Variants in TBC1D14 observed in about 807,000 individuals in gnomAD.
TBC1D14 encodes the protein TBC1 domain family, member 14.
TBC1D14 carries 26 observed loss-of-function variants against 79.0 expected under a neutral mutation model. The observed-to-expected ratio is 0.33, with a 90% CI of 0.24 to 0.46. TBC1D14 has a LOEUF of 0.46. TBC1D14 is among the 20% of genes least tolerant of loss of function. The pLI is 1.00. For synonymous variants in TBC1D14, 394 were observed against 349.9 expected, an observed-to-expected ratio of 1.13 and a Z score of -1.40; for missense variants, 769 against 887.6, an observed-to-expected ratio of 0.87 and a Z score of 1.70.
intron 2 of TBC1D14, among the ~76,000 whole-genome samples, chr4:6,957,229 A>T (rs1002365362): frequency 5.1e-4 from 78 of 152,328 alleles, no homozygotes; most frequent in Non-Finnish European, 9.3e-4. Flanking sequence ...TGAGTCCCAG[A>T]TGGGTGACCT....
intron 2 of TBC1D14, among the ~76,000 whole-genome samples, chr4:6,965,902 A>G (rs1171185713): frequency 1.3e-5 from 2 of 152,206 alleles, no homozygotes; most frequent in Admixed American, 1.3e-4. Flanking sequence ...CATGTAATTA[A>G]TAAGGAATTT....
chr4:6,928,956 A>G (rs186825691), intron 2 of TBC1D14, among the ~76,000 whole-genome samples: 140 of 152,340 alleles, frequency 9.2e-4, no homozygotes, highest in Non-Finnish European at 1.6e-3. Flanking sequence ...TGCTTTGGCC[A>G]TCTTAGAATT....
chr4:6,978,133 C>CT (rs1171247481), intron 3 of TBC1D14, among the ~76,000 whole-genome samples: 4 of 149,970 alleles, frequency 2.7e-5, no homozygotes, highest in Non-Finnish European at 5.9e-5. Flanking sequence ...GTCAGCCCCC[C>CT]GCCCGGCTAG....
intron 13 of TBC1D14, among the ~76,000 whole-genome samples, chr4:7,028,663 G>A (rs1461718856): frequency 2.0e-5 from 3 of 152,064 alleles, no homozygotes; most frequent in Non-Finnish European, 4.4e-5. Flanking sequence ...CTGACCTCGC[G>A]ATCCACCTAC....
At position 7,025,091 on chromosome 4, in the gene TBC1D14, G is replaced by C. The variant is rs376101687; in HGVS notation, c.1845G>C (p.Leu615=). 1.8e-4 allele frequency: 289 copies of C among 1,614,126 alleles called. No individual in the cohort carries two copies. The highest frequency in any genetic ancestry group is 2.3e-4 in the Non-Finnish European group (275 of 1,180,052). Residue 615 remains leucine, a synonymous_variant, in exon 13 of 14, where the codon CTG becomes CTC. Coordinates refer to ENST00000409757, the MANE Select transcript of TBC1D14 (RefSeq NM_020773.3). The part of the protein sequence containing the change: ...DVFCRDGEEF[L]FRTALGILKL... ...TCTGTCGCGATGGGGAAGAGTTCCT[G>C]TTCCGCACGGCCCTGGGCATCCTGA...
rs753108419 is a variant in TBC1D14, at chr4:6,924,129, C to T, written c.722+18C>T. 3.1e-6 allele frequency: 5 copies of T among 1,600,356 alleles called. No individual in the cohort carries two copies. The highest frequency in any genetic ancestry group is 2.2e-5 in the East Asian group (1 of 44,706). ...TTTGCAAGGTAATGCCATCTTTGCCCTCTAGAAGATCGTGGTGGTTGAGTC... is the reference window on the plus strand; with the variant it reads ...TTTGCAAGGTAATGCCATCTTTGCCTTCTAGAAGATCGTGGTGGTTGAGTC... On this transcript the variant is annotated intron_variant, in intron 2 of 13. Coordinates refer to ENST00000409757, the MANE Select transcript of TBC1D14 (RefSeq NM_020773.3).
At chr4:6,909,804 T>A (rs1296267973), upstream of TBC1D14, 1 of 147,972 alleles carries the variant, frequency 6.8e-6, no homozygotes, top group Non-Finnish European at 1.5e-5. Flanking sequence ...GCGCCGCTGT[T>A]CGCCGCGGGC....
intron 2 of TBC1D14, among the ~76,000 whole-genome samples, chr4:6,940,401 GC>G (rs1712792953): frequency 6.6e-6 from 1 of 152,204 alleles, no homozygotes; most frequent in South Asian, 2.1e-4. Context: ...AATGTGTGTA[GC>G]CCAGAGAGGT....
At chr4:6,921,693 ATTTTTTT>A (rs35634049) in intron 1 of TBC1D14, among the ~76,000 whole-genome samples, 5 of 92,222 alleles carry the variant, frequency 5.4e-5, no homozygotes, top group South Asian at 3.4e-4. Flanking sequence ...CACCTGGCTA[ATTTTTTT>A]TTTTTTTTTT....
intron 11 of TBC1D14, among the ~76,000 whole-genome samples, chr4:7,011,325 G>A (rs1372661688): frequency 7.1e-6 from 1 of 141,328 alleles, no homozygotes; most frequent in Non-Finnish European, 1.5e-5. Flanking sequence ...GGCGGTGACA[G>A]TGGGGGGTGG....
chr4:7,010,171 C>A (rs1300435729), intron 10 of TBC1D14, among the ~76,000 whole-genome samples: 1 of 152,144 alleles, frequency 6.6e-6, no homozygotes, highest in Admixed American at 6.5e-5. Context: ...TAATCGAATG[C>A]AATTTTCATT....
At chr4:6,962,320 C>T (rs1303421017) in intron 2 of TBC1D14, among the ~76,000 whole-genome samples, 1 of 152,090 alleles carries the variant, frequency 6.6e-6, no homozygotes, top group East Asian at 1.9e-4. Context: ...CCCGCTGCGA[C>T]GGTGCGGGTG....
chr4:6,913,542 G>T (rs1723162408), intron 1 of TBC1D14, among the ~76,000 whole-genome samples: 1 of 152,340 alleles, frequency 6.6e-6, no homozygotes. Context: ...GACCTTGGGT[G>T]CGTGACTTAG....
At chr4:6,990,719 A>C (rs188223066) in intron 3 of TBC1D14, among the ~76,000 whole-genome samples, 1 of 152,158 alleles carries the variant, frequency 6.6e-6, no homozygotes, top group Non-Finnish European at 1.5e-5. Flanking sequence ...GCCATTTTAC[A>C]TATCTTATCT....
chr4:6,964,353 C>A (rs1375297291), intron 2 of TBC1D14, among the ~76,000 whole-genome samples: 1 of 152,132 alleles, frequency 6.6e-6, no homozygotes, highest in African/African-American at 2.4e-5. Flanking sequence ...TTCCTTACAC[C>A]CTCTGCAGCT....
intron 3 of TBC1D14, among the ~76,000 whole-genome samples, chr4:6,974,954 C>T (rs1716582774): frequency 6.7e-6 from 1 of 149,208 alleles, no homozygotes; most frequent in Non-Finnish European, 1.5e-5. Flanking sequence ...CTCTGTTGCC[C>T]AGGCTGGAGT....
intron 2 of TBC1D14, among the ~76,000 whole-genome samples, chr4:6,938,197 G>A (rs1311012784): frequency 6.6e-6 from 1 of 152,168 alleles, no homozygotes; most frequent in Non-Finnish European, 1.5e-5. Flanking sequence ...GAGCTTGTCT[G>A]GGGGAGGACC....
intron 9 of TBC1D14, chr4:7,007,388 ATTC>A (rs1160880177): frequency 2.3e-6 from 1 of 431,608 alleles, no homozygotes. Context: ...AAGACCTTCT[ATTC>A]TTTGAGCCAG....
intron 1 of TBC1D14, among the ~76,000 whole-genome samples, chr4:6,918,655 C>T (rs1188953954): frequency 6.6e-6 from 1 of 152,236 alleles, no homozygotes; most frequent in Non-Finnish European, 1.5e-5. Flanking sequence ...GCCAGAATTT[C>T]AGCTGGGCCT....
Sources: gnomAD v4.1 joint callset for allele counts (sites outside exome capture counted in the v4.1 genomes callset) on GRCh38, gnomAD v4.1.1 for gene constraint, MANE v1.5 for transcripts, NCBI Gene and HGNC (gene_info 2026-07-23, HGNC 2026-07-21) for gene names.